The following CHN2 variants were observed in gnomAD, a reference collection of about 807,000 sequenced individuals.
CHN2 encodes chimerin 2.
In CHN2, 35 loss-of-function variants were observed where a neutral mutation model predicts 56.3. That is an observed-to-expected ratio of 0.62 (90% CI 0.47 to 0.82). The LOEUF (loss-of-function observed/expected upper bound fraction) is 0.82. Among genes scored for constraint, CHN2 ranks in the 40% least tolerant of loss-of-function variants. CHN2 has a pLI of 0.00. For missense variants in CHN2, 491 were observed against 580.5 expected (o/e 0.85, Z 1.58); for synonymous variants, 210 against 212.8 (o/e 0.99, Z 0.12).
At chr7:29,448,672 C>T (rs1004800947) in intron 6 of CHN2, among the ~76,000 whole-genome samples, 3 of 152,188 alleles carry the variant, frequency 2.0e-5, no homozygotes, top group African/African-American at 7.2e-5. Flanking sequence ...TTTGCAAATT[C>T]TATTCCCTTT....
chr7:29,354,145 C>T (rs1001845128), intron 1 of CHN2, among the ~76,000 whole-genome samples: 1 of 152,174 alleles, frequency 6.6e-6, no homozygotes, highest in Non-Finnish European at 1.5e-5. Context: ...GCTGTCAGAT[C>T]GAGTATTTTA....
At chr7:29,147,924 TA>T (rs1434683355) in intron 2 of CHN2, among the ~76,000 whole-genome samples, 1 of 152,212 alleles carries the variant, frequency 6.6e-6, no homozygotes, top group East Asian at 1.9e-4. Flanking sequence ...GATCTGCACT[TA>T]AATATGATGG....
At chr7:29,153,459 T>G (rs1019885257) in intron 2 of CHN2, among the ~76,000 whole-genome samples, 4 of 152,352 alleles carry the variant, frequency 2.6e-5, no homozygotes, top group Admixed American at 2.6e-4. Flanking sequence ...CCAACCCCTC[T>G]TCTTCCTTCT....
intron 4 of CHN2, among the ~76,000 whole-genome samples, chr7:29,396,459 C>CAAAAAAAAAAAA (rs35163855): frequency 1.9e-4 from 11 of 56,528 alleles, no homozygotes; most frequent in African/African-American, 8.0e-4. Flanking sequence ...AGACTCTCTC[C>CAAAAAAAAAAAA]AAAAAAAAAA....
In CHN2 at chr7:29,348,491, T is replaced by A. The variant is rs556787982; in HGVS notation, c.50-6134T>A. Among the ~76,000 whole-genome samples the A allele has an allele frequency of 6.8e-4, 103 of 152,280 alleles. No homozygotes were observed. The South Asian group carries it at 8.5e-3, about 13-fold the overall frequency. ...TTTCTAAGCATCTGTATCTTCCCCC[T>A]CCTTCCCCATCCTTTCATGAGAGGA... On this transcript the variant is annotated intron_variant, in intron 1 of 12. Coordinates refer to ENST00000222792, the MANE Select transcript of CHN2 (RefSeq NM_004067.4).
intron 1 of CHN2, chr7:29,213,277 C>T: frequency 1.2e-6 from 1 of 825,028 alleles, no homozygotes; most frequent in Non-Finnish European, 2.1e-6. Context: ...CTTCCTCTCC[C>T]CTCCTCCCCT....
chr7:29,163,951 AC>A (rs778553686), intron 2 of CHN2, among the ~76,000 whole-genome samples: 1 of 152,160 alleles, frequency 6.6e-6, no homozygotes, highest in Non-Finnish European at 1.5e-5. Context: ...CCAGCTTTTG[AC>A]TATTACAAAT....
At chr7:29,500,187 T>A in intron 9 of CHN2, 147 bp downstream of exon 9, 7 of 499,054 alleles carry the variant, frequency 1.4e-5, no homozygotes, top group Admixed American at 3.9e-5. Context: ...TCTCTCTCTC[T>A]CACAGGTAGA....
chr7:29,206,585 A>T (rs1395219844), intron 1 of CHN2, among the ~76,000 whole-genome samples: 3 of 151,166 alleles, frequency 2.0e-5, no homozygotes, highest in South Asian at 2.1e-4. Context: ...TGGCCTAGAA[A>T]TTTTTTTTTT....
At chr7:29,487,206 G>GTTT (rs11397455) in intron 7 of CHN2, among the ~76,000 whole-genome samples, 1 of 148,974 alleles carries the variant, frequency 6.7e-6, no homozygotes, top group South Asian at 2.1e-4. Flanking sequence ...GGCTTGTTTT[G>GTTT]TTTTTTTTTT....
chr7:29,487,064 C>G (rs1489984206), intron 7 of CHN2, among the ~76,000 whole-genome samples: 2 of 152,188 alleles, frequency 1.3e-5, no homozygotes, highest in African/African-American at 4.8e-5. Flanking sequence ...GCCTTGCCTT[C>G]TTATCAAGCT....
chr7:29,176,856 A>G (rs536776906), intron 2 of CHN2, among the ~76,000 whole-genome samples: 103 of 152,340 alleles, frequency 6.8e-4, no homozygotes, highest in African/African-American at 4.8e-4. Flanking sequence ...CTCTTTCATC[A>G]TTGGTCAGAA....
intron 1 of CHN2, among the ~76,000 whole-genome samples, chr7:29,268,556 T>C (rs1790350409): frequency 6.9e-6 from 1 of 145,432 alleles, no homozygotes; most frequent in African/African-American, 2.8e-5. Flanking sequence ...GCACGGATGC[T>C]TCTGCACCAA....
At position 29,459,760 on chromosome 7, in the gene CHN2, T is replaced by C. The variant is rs1291095278; in HGVS notation, c.577-20519T>C. On this transcript the variant is annotated intron_variant, in intron 6 of 12. Coordinates refer to ENST00000222792, the MANE Select transcript of CHN2 (RefSeq NM_004067.4). ...CTTGTCTCCCCCTCTCCTCCCTGCA[T>C]GGCAGGCTCAGGTATCTAAGAAAGC... Among the ~76,000 whole-genome samples the C allele has an allele frequency of 3.3e-5, 5 of 152,136 alleles. No homozygotes were observed. The East Asian group carries it at 9.7e-4, about 29-fold the overall frequency.
chr7:29,384,454 G>A (rs1420590199), intron 3 of CHN2, among the ~76,000 whole-genome samples: 1 of 152,038 alleles, frequency 6.6e-6, no homozygotes, highest in Non-Finnish European at 1.5e-5. Context: ...TTGCTTGTTG[G>A]GAGACCTGAA....
At chr7:29,385,742 A>C (rs529157113) in intron 3 of CHN2, among the ~76,000 whole-genome samples, 8 of 152,328 alleles carry the variant, frequency 5.3e-5, no homozygotes, top group African/African-American at 1.9e-4. Flanking sequence ...TGGCCTAAAG[A>C]AAATATTTTA....
At chr7:29,280,727 A>G (rs866501071) in intron 1 of CHN2, among the ~76,000 whole-genome samples, 3 of 152,232 alleles carry the variant, frequency 2.0e-5, no homozygotes, top group Non-Finnish European at 4.4e-5. Context: ...TGGTGTGATC[A>G]TGTGCAAGTC....
intron 6 of CHN2, 83 bp from the exon 7 acceptor site, chr7:29,480,196 T>C (rs1562641777): frequency 1.2e-6 from 2 of 1,612,688 alleles, no homozygotes; most frequent in Middle Eastern, 1.6e-4. Flanking sequence ...CGCCAAGAAC[T>C]GCTGGCCGTA....
At chr7:29,160,295 A>G (rs1400955190) in intron 2 of CHN2, among the ~76,000 whole-genome samples, 1 of 152,162 alleles carries the variant, frequency 6.6e-6, no homozygotes, top group Admixed American at 6.5e-5. Flanking sequence ...CTATTAGACT[A>G]ATGTTTCATA....
Sources: gnomAD v4.1 joint callset for allele counts (sites outside exome capture counted in the v4.1 genomes callset) on GRCh38, gnomAD v4.1.1 for gene constraint, MANE v1.5 for transcripts, NCBI Gene and HGNC (gene_info 2026-07-23, HGNC 2026-07-21) for gene names.